The following TGIF1 variants were observed in gnomAD, a reference collection of about 807,000 sequenced individuals.
The protein encoded by TGIF1 is homeobox protein TGIF1.
A neutral mutation model predicts 19.3 loss-of-function variants in TGIF1; 4 were observed. The ratio of observed to expected loss-of-function variants is 0.21; its 90% CI spans 0.10 to 0.47. TGIF1 has a LOEUF of 0.47. TGIF1 is among the 20% of genes least tolerant of loss of function. The pLI, the probability that TGIF1 is intolerant of heterozygous loss-of-function variation, is 0.98. For missense variants in TGIF1, 275 were observed against 341.4 expected (o/e 0.81, Z 1.53); for synonymous variants, 122 against 129.3 (o/e 0.94, Z 0.38).
intron 2 of TGIF1, among the ~76,000 whole-genome samples, chr18:3,428,541 T>C (rs1005913336): frequency 1.3e-5 from 2 of 152,054 alleles, no homozygotes; most frequent in Non-Finnish European, 2.9e-5. Flanking sequence ...ATCGACACCA[T>C]CCTGACCAAC....
chr18:3,451,862 G>T lies in TGIF1; in HGVS notation c.16+1357G>T, dbSNP rs1266581670. ...CCCTGGGAGAAAACGCGCGGGGGGC[G>T]TCCGAGACGCCCCGTGAAAGCCGTG... On this transcript the variant is annotated intron_variant, in intron 1 of 2. Transcript: ENST00000343820. This position sits in a 1 kb window ranked among gnomAD's most constrained non-coding sequence, Gnocchi z 5.4. 12 of 1,410,146 alleles carry T rather than the reference G, an allele frequency of 8.5e-6. No individual in the cohort carries two copies. The highest frequency in any genetic ancestry group is 7.9e-5 in the East Asian group (3 of 37,992). 87.4% of individuals were successfully genotyped at this position (1,410,146 alleles called of 1,614,324 possible).
In TGIF1 at chr18:3,457,750, A is replaced by T. The variant is rs768008678; in HGVS notation, c.629A>T (p.Asp210Val). The T allele has an allele frequency of 1.2e-6, 2 of 1,614,216 alleles. No homozygotes were observed. Among genetic ancestry groups the T allele is most frequent in the South Asian group, 1.1e-5 (1 of 91,088 alleles). ...IQQIAAKNFT[D>V]TSLMYPEDTC... ...CAGATAGCGGCCAAAAACTTCACAGACACCTCTCTCATGTACCCAGAGGAC... is the reference window on the plus strand; with the variant it reads ...CAGATAGCGGCCAAAAACTTCACAGTCACCTCTCTCATGTACCCAGAGGAC... The change falls in exon 3 of 3, where the codon GAC (aspartate) becomes GTC (valine). Residue 210 changes from aspartate to valine, a missense_variant. By Grantham distance (152) the Asp-to-Val change is radical (BLOSUM62 -3). Transcript: ENST00000343820. The surrounding 1 kb of genome is among the most constrained non-coding windows in gnomAD (Gnocchi z 4.9).
chr18:3,447,819 T>G (rs771219715), upstream of TGIF1: 1 of 1,614,092 alleles, frequency 6.2e-7, no homozygotes, highest in Admixed American at 1.7e-5. Flanking sequence ...TCTCCGTTTT[T>G]TCCTCCCCCT....
intron 2 of TGIF1, among the ~76,000 whole-genome samples, chr18:3,443,977 C>T (rs1019594323): frequency 2.2e-4 from 33 of 151,354 alleles, no homozygotes; most frequent in Non-Finnish European, 4.4e-4. Flanking sequence ...CTCTTTCACC[C>T]AGGCTGGACT....
intron 2 of TGIF1, among the ~76,000 whole-genome samples, chr18:3,431,588 G>C (rs1483671690): frequency 6.6e-6 from 1 of 151,840 alleles, no homozygotes; most frequent in Non-Finnish European, 1.5e-5. Context: ...AGAAGGAAAA[G>C]CTTTTCCACA....
At chr18:3,417,881 T>C (rs1390256202) in intron 1 of TGIF1, among the ~76,000 whole-genome samples, 1 of 152,118 alleles carries the variant, frequency 6.6e-6, no homozygotes, top group African/African-American at 2.4e-5. Context: ...GGAAGATCCC[T>C]TGAGCCCAGG....
rs541191528 is a variant in TGIF1 at position 3,451,638 on chromosome 18, G to A, written c.16+1133G>A. The A allele has an allele frequency of 6.1e-5, 68 of 1,118,022 alleles. No individual in the cohort carries two copies. The highest frequency in any genetic ancestry group is 1.7e-4 in the South Asian group (4 of 23,480). 69.3% of individuals were successfully genotyped at this position (1,118,022 alleles called of 1,614,324 possible). ...CGCTGCGGGGCGTTCCTGGGGGGTA[G>A]CCTCAAGGCCAGCGGGGTTCCTTCG... On this transcript the variant is annotated intron_variant, in intron 1 of 2. Transcript: ENST00000343820. The surrounding 1 kb of genome is among the most constrained non-coding windows in gnomAD (Gnocchi z 5.4).
At chr18:3,421,413 A>G (rs987777451) in intron 2 of TGIF1, among the ~76,000 whole-genome samples, 1 of 148,064 alleles carries the variant, frequency 6.8e-6, no homozygotes, top group Non-Finnish European at 1.5e-5. Context: ...TAAAATATAT[A>G]TATACACACA....
Position 3,456,631 on chromosome 18 carries a change from A to AT in TGIF1, c.243+55dup, listed in dbSNP as rs748103311. The AT allele has an allele frequency of 6.6e-7, 1 of 1,504,322 alleles. No homozygotes were observed. The highest frequency in any genetic ancestry group is 2.3e-5 in the East Asian group (1 of 44,384). 93.2% of individuals were successfully genotyped at this position (1,504,322 alleles called of 1,614,324 possible). ...TGGATGCATTTTTAGTTTCAAAGTC[A>AT]TTTTATGGCATTCCTGTGTGTCAAG... On this transcript the variant is annotated intron_variant, in intron 2 of 2. Transcript: ENST00000343820. This position sits in a 1 kb window ranked among gnomAD's most constrained non-coding sequence, Gnocchi z 4.2.
At chr18:3,426,760 A>T (rs2143166954) in intron 2 of TGIF1, among the ~76,000 whole-genome samples, 1 of 152,308 alleles carries the variant, frequency 6.6e-6, no homozygotes, top group South Asian at 2.1e-4. Flanking sequence ...CTGAGGATAT[A>T]GCTTCAATAA....
intron 2 of TGIF1, among the ~76,000 whole-genome samples, chr18:3,427,107 C>T (rs1017674683): frequency 5.3e-5 from 8 of 151,968 alleles, no homozygotes; most frequent in African/African-American, 1.9e-4. Flanking sequence ...CCATGCCCGG[C>T]TAATTTTTGT....
At chr18:3,444,162 C>T (rs1322685877) in intron 2 of TGIF1, among the ~76,000 whole-genome samples, 2 of 151,974 alleles carry the variant, frequency 1.3e-5, no homozygotes, top group Admixed American at 1.3e-4. Flanking sequence ...CCAGGCTGGT[C>T]TCGAGGTCCT....
chr18:3,412,432 A>G (rs915578418), intron 1 of TGIF1, among the ~76,000 whole-genome samples: 6 of 152,340 alleles, frequency 3.9e-5, no homozygotes, highest in African/African-American at 1.4e-4. Context: ...ACAAGCCTGT[A>G]TCAATGAGAA....
At chr18:3,419,385 G>A (rs962884454) in intron 2 of TGIF1, among the ~76,000 whole-genome samples, 5 of 152,270 alleles carry the variant, frequency 3.3e-5, no homozygotes, top group Admixed American at 6.5e-5. Flanking sequence ...ACCTTATTGA[G>A]AATAATTATC....
At chr18:3,436,312 G>A (rs1169704555) in intron 2 of TGIF1, among the ~76,000 whole-genome samples, 1 of 152,182 alleles carries the variant, frequency 6.6e-6, no homozygotes, top group African/African-American at 2.4e-5. Flanking sequence ...GCTAAAAACA[G>A]TGAAGAGCCA....
chr18:3,433,273 C>T (rs1048427982), intron 2 of TGIF1, among the ~76,000 whole-genome samples: 1 of 151,808 alleles, frequency 6.6e-6, no homozygotes, highest in African/African-American at 2.4e-5. Context: ...GGGATTTCCC[C>T]ATGTTGGCCA....
chr18:3,438,338 G>A (rs1306725040), intron 2 of TGIF1, among the ~76,000 whole-genome samples: 1 of 152,116 alleles, frequency 6.6e-6, no homozygotes, highest in Non-Finnish European at 1.5e-5. Flanking sequence ...AGGGTCATGT[G>A]TGCAAGAGTT....
rs746699119 is a variant in TGIF1, at chr18:3,457,557, G to A, written c.436G>A (p.Ala146Thr). The A allele has an allele frequency of 1.2e-6, 2 of 1,614,202 alleles. No homozygotes were observed. Among genetic ancestry groups the A allele is most frequent in the Non-Finnish European group, 1.7e-6 (2 of 1,180,044 alleles). The change falls in exon 3 of 3, where the codon GCT (alanine) becomes ACT (threonine). Residue 146 changes from alanine to threonine, a missense_variant. By Grantham distance (58) the Ala-to-Thr change is moderately conservative. Transcript: ENST00000343820. The surrounding 1 kb of genome is among the most constrained non-coding windows in gnomAD (Gnocchi z 4.9). ...GGAGACCCCATTTCATTCCTGTACAGCTGGGCCAAACCCAACCCTAGGGAG... is the reference window on the plus strand; with the variant it reads ...GGAGACCCCATTTCATTCCTGTACAACTGGGCCAAACCCAACCCTAGGGAG... ...LEETPFHSCTAGPNPTLGRPL... is the reference protein window; with the variant it reads ...LEETPFHSCTTGPNPTLGRPL...
chr18:3,457,901 G>T lies in TGIF1; in HGVS notation c.780G>T (p.Arg260=). 6.2e-7 allele frequency: 1 copy of T among 1,602,056 alleles called. No individual in the cohort carries two copies. Among genetic ancestry groups the T allele is most frequent in the African/African-American group, 1.3e-5 (1 of 75,050 alleles). The change falls in exon 3 of 3, where the codon CGG becomes CGT. Residue 260 remains arginine, a synonymous_variant. Transcript: ENST00000343820. The surrounding 1 kb of genome is among the most constrained non-coding windows in gnomAD (Gnocchi z 4.9). ...TTCTAGTGGATGTTGCACTCAAACG[G>T]GCTGCAGAGATGGAGCTTCAGGCAA... The part of the protein sequence containing the change: ...FQLLVDVALK[R]AAEMELQAKL...
Sources: allele counts gnomAD v4.1 joint callset (sites outside exome capture counted in the v4.1 genomes callset), GRCh38; gene constraint gnomAD v4.1.1; non-coding constraint Gnocchi (gnomAD v3.1); transcripts MANE v1.5; gene names NCBI Gene and HGNC (gene_info 2026-07-23, HGNC 2026-07-21).